Variants in POLN observed in about 807,000 individuals in gnomAD.
POLN encodes the protein DNA polymerase nu, also known as DNA polymerase N.
In POLN, 108 loss-of-function variants were observed where a neutral mutation model predicts 113.5. The observed-to-expected ratio is 0.95, with a 90% CI of 0.81 to 1.12. The LOEUF (loss-of-function observed/expected upper bound fraction) is 1.12. POLN is among the 50% of genes most tolerant of loss of function. POLN has a pLI of 0.00. For synonymous variants in POLN, 386 were observed against 391.5 expected, an observed-to-expected ratio of 0.99 and a Z score of 0.17; for missense variants, 1,097 against 1,077.1, an observed-to-expected ratio of 1.02 and a Z score of -0.26.
At chr4:2,194,875 G>C (rs1414059496) in intron 6 of POLN, among the ~76,000 whole-genome samples, 1 of 151,874 alleles carries the variant, frequency 6.6e-6, no homozygotes, top group Non-Finnish European at 1.5e-5. Flanking sequence ...TCCAACCTGG[G>C]CGACAAAGAG....
chr4:2,210,598 A>T (rs1733965183), intron 4 of POLN, among the ~76,000 whole-genome samples: 1 of 119,732 alleles, frequency 8.4e-6, no homozygotes, highest in African/African-American at 4.4e-5. Context: ...TAATAATAAT[A>T]ATAATAATAA....
chr4:2,102,719 C>CAGAT (rs1222494231), intron 19 of POLN, among the ~76,000 whole-genome samples: 2 of 152,186 alleles, frequency 1.3e-5, no homozygotes, highest in Admixed American at 1.3e-4. Flanking sequence ...AAGAGAGGCC[C>CAGAT]ATCTGGCATT....
intron 2 of POLN, chr4:2,238,867 T>A (rs1373014176): frequency 6.2e-7 from 1 of 1,613,182 alleles, no homozygotes; most frequent in Non-Finnish European, 8.5e-7. Context: ...AATAATCTTG[T>A]TTAGCAATCT....
chr4:2,078,444 C>T (rs989767260), intron 23 of POLN: 17 of 502,690 alleles, frequency 3.4e-5, no homozygotes, highest in Middle Eastern at 2.0e-3. Flanking sequence ...TGGGCAGACC[C>T]TTGGGGTGGC....
intron 4 of POLN, among the ~76,000 whole-genome samples, chr4:2,209,321 A>T (rs1332369622): frequency 6.6e-6 from 1 of 151,672 alleles, no homozygotes; most frequent in East Asian, 2.0e-4. Flanking sequence ...CTCTACTAAG[A>T]ATACAAAAAT....
At chr4:2,155,108 C>G (rs558269965) in intron 16 of POLN, among the ~76,000 whole-genome samples, 3 of 152,308 alleles carry the variant, frequency 2.0e-5, no homozygotes, top group African/African-American at 7.2e-5. Context: ...GCAAGGACCT[C>G]CACGAAAAGT....
intron 19 of POLN, among the ~76,000 whole-genome samples, chr4:2,111,371 T>A (rs1731190151): frequency 6.6e-6 from 1 of 151,858 alleles, no homozygotes; most frequent in African/African-American, 2.4e-5. Context: ...TTCAACATAG[T>A]GTTGGAAGTT....
intron 7 of POLN, among the ~76,000 whole-genome samples, chr4:2,185,548 C>A (rs1733249937): frequency 6.6e-6 from 1 of 152,212 alleles, no homozygotes; most frequent in South Asian, 2.1e-4. Context: ...GAGTTCGAGA[C>A]CAGCCTGGCC....
intron 16 of POLN, among the ~76,000 whole-genome samples, chr4:2,137,623 C>T (rs926959043): frequency 3.3e-5 from 5 of 152,146 alleles, no homozygotes; most frequent in African/African-American, 4.8e-5. Flanking sequence ...GATACACTCC[C>T]GTGGCCCCCC....
At chr4:2,215,738 A>G (rs947510841) in intron 3 of POLN, among the ~76,000 whole-genome samples, 22 of 152,148 alleles carry the variant, frequency 1.4e-4, no homozygotes, top group African/African-American at 5.3e-4. Flanking sequence ...TGCTTCAGGG[A>G]CGTTCTGGGA....
chr4:2,218,660 C>T (rs1295501911), intron 3 of POLN, among the ~76,000 whole-genome samples: 1 of 152,188 alleles, frequency 6.6e-6, no homozygotes, highest in Admixed American at 6.5e-5. Context: ...GGCGGGATAA[C>T]ATAGCACTGG....
intron 6 of POLN, among the ~76,000 whole-genome samples, chr4:2,197,484 C>T (rs1422969102): frequency 1.3e-5 from 2 of 152,150 alleles, no homozygotes; most frequent in African/African-American, 4.8e-5. Context: ...AGCCAGGCCA[C>T]AGGAGGCAGG....
rs1733302206 is a variant in POLN at position 2,187,313 on chromosome 4, G to T, written c.1021+5891C>A. On this transcript the variant is annotated intron_variant, in intron 7 of 25. Transcript: ENST00000511885. ...GGCGGAAGTGCAATGGTTTGATCTT[G>T]GCTCATTGCAACCTCTGCCTCTTGG... Among the ~76,000 whole-genome samples, 3 of 152,154 alleles carry T rather than the reference G, an allele frequency of 2.0e-5. No individual in the cohort carries two copies. In the South Asian group the frequency reaches 6.2e-4, roughly 31 times the overall value.
chr4:2,201,231 C>CACTCCAG (rs1242650544), intron 5 of POLN, among the ~76,000 whole-genome samples: 1 of 119,486 alleles, frequency 8.4e-6, no homozygotes, highest in Non-Finnish European at 1.6e-5. Flanking sequence ...CATGCCACTG[C>CACTCCAG]ACTCCAGCCT....
At chr4:2,235,043 G>A (rs1390631391) in intron 2 of POLN, among the ~76,000 whole-genome samples, 2 of 152,116 alleles carry the variant, frequency 1.3e-5, no homozygotes, top group East Asian at 1.9e-4. Flanking sequence ...CCGCCACCAC[G>A]CCCGGCTAAT....
intron 16 of POLN, among the ~76,000 whole-genome samples, chr4:2,148,955 C>T (rs969010714): frequency 3.9e-5 from 6 of 152,076 alleles, no homozygotes; most frequent in Non-Finnish European, 7.4e-5. Flanking sequence ...TTTTATACCT[C>T]GCAAAAATAA....
At chr4:2,240,881 A>G in intron 2 of POLN, 2 of 1,610,150 alleles carry the variant, frequency 1.2e-6, no homozygotes, top group Non-Finnish European at 1.7e-6. Context: ...CTTCTCCATT[A>G]AGATTATCAG....
At chr4:2,112,244 A>T (rs1442755777) in intron 19 of POLN, among the ~76,000 whole-genome samples, 3 of 152,222 alleles carry the variant, frequency 2.0e-5, no homozygotes, top group African/African-American at 7.2e-5. Context: ...TTCAAGATGG[A>T]TTAAAGACTT....
intron 2 of POLN, chr4:2,232,069 C>T: frequency 6.3e-7 from 1 of 1,596,706 alleles, no homozygotes; most frequent in Non-Finnish European, 8.6e-7. Context: ...CAAAGTTTTT[C>T]TTTTTGTCTT....
Sources: allele counts gnomAD v4.1 joint callset (sites outside exome capture counted in the v4.1 genomes callset), GRCh38; gene constraint gnomAD v4.1.1; transcripts MANE v1.5; gene names NCBI Gene and HGNC (gene_info 2026-07-23, HGNC 2026-07-21).